Variants in CLEC4E observed in about 807,000 individuals in gnomAD.
CLEC4E encodes the protein C-type lectin domain family 4 member E.
Under a neutral mutation model 24.7 loss-of-function variants are expected in CLEC4E, and 21 were observed. The observed-to-expected ratio is 0.85, with a 90% CI of 0.60 to 1.22. The LOEUF is 1.22. CLEC4E is among the 50% of genes most tolerant of loss of function. The probability of loss-of-function intolerance (pLI) is 0.00; values close to 1 mark genes in which losing one functional copy is unlikely to be tolerated. For missense variants in CLEC4E, 249 were observed against 254.1 expected, an observed-to-expected ratio of 0.98 and a Z score of 0.14; for synonymous variants, 94 against 85.7, an observed-to-expected ratio of 1.10 and a Z score of -0.54.
At position 8,539,264 on chromosome 12, in the gene CLEC4E, T is replaced by C. The variant is rs202128779; in HGVS notation, c.173A>G (p.Gln58Arg). ...GAGCTCTGTGAAATTCTCAGGTAGCTGAAACTTTTTCTCATCACAGGTTTG... is the reference window on the plus strand; with the variant it reads ...GAGCTCTGTGAAATTCTCAGGTAGCCGAAACTTTTTCTCATCACAGGTTTG... ...IFQTCDEKKF[Q>R]LPENFTELSC... The change falls in exon 3 of 6, where the codon CAG becomes CGG. Residue 58 changes from glutamine to arginine, a missense_variant. Physicochemically the swap from Gln to Arg is conservative, Grantham distance 43 (BLOSUM62 1). Transcript: ENST00000299663. The C allele has an allele frequency of 6.9e-5, 111 of 1,613,440 alleles. No individual in the cohort carries two copies. Among genetic ancestry groups the C allele is most frequent in the Admixed American group, 5.0e-5 (3 of 59,966 alleles).
chr12:8,536,257 C>T (rs1009851837), intron 4 of CLEC4E, 52 bp from the exon 5 acceptor site: 23 of 1,032,882 alleles, frequency 2.2e-5, no homozygotes, highest in East Asian at 7.5e-5. Context: ...TTTGAATAAA[C>T]GTTGCTAGTA....
chr12:8,536,057 TTCAAGAACTCC>T, intron 5 of CLEC4E, 22 bp downstream of exon 5: 1 of 1,341,894 alleles, frequency 7.5e-7, no homozygotes, highest in Non-Finnish European at 1.1e-6. Flanking sequence ...AGAAGGAGGT[TTCAAGAACTCC>T]TCTCAATAGG....
At chr12:8,538,486 C>A (rs1940646380) in intron 3 of CLEC4E, among the ~76,000 whole-genome samples, 1 of 152,230 alleles carries the variant, frequency 6.6e-6, no homozygotes, top group Non-Finnish European at 1.5e-5. Context: ...ATGACTCACA[C>A]TCTCTACCCT....
At chr12:8,540,656 T>G in intron 1 of CLEC4E, 105 bp downstream of exon 1, 1 of 1,043,342 alleles carries the variant, frequency 9.6e-7, no homozygotes, top group Non-Finnish European at 1.5e-6. Flanking sequence ...CCCACTTTTT[T>G]TTTTAACTTC....
intron 3 of CLEC4E, among the ~76,000 whole-genome samples, chr12:8,537,528 T>C (rs941639641): frequency 1.3e-5 from 2 of 152,248 alleles, no homozygotes; most frequent in African/African-American, 4.8e-5. Flanking sequence ...ATCTTAGTTA[T>C]GCTATTGATA....
At chr12:8,535,775 A>G (rs773187154) in intron 5 of CLEC4E, among the ~76,000 whole-genome samples, 4 of 152,192 alleles carry the variant, frequency 2.6e-5, no homozygotes, top group Non-Finnish European at 5.9e-5. Flanking sequence ...CTGCATAAGA[A>G]CCTGCTGTCT....
chr12:8,539,455 GT>G (rs1157132482), intron 2 of CLEC4E, 149 bp from the exon 3 acceptor site: 2 of 628,656 alleles, frequency 3.2e-6, no homozygotes, highest in Non-Finnish European at 5.6e-6. Context: ...AAATAGATAT[GT>G]TTGCACTACC....
intron 3 of CLEC4E, 52 bp downstream of exon 3, chr12:8,539,165 C>G: frequency 7.9e-7 from 1 of 1,270,180 alleles, no homozygotes; most frequent in Non-Finnish European, 1.1e-6. Flanking sequence ...AATCTAGAAG[C>G]CAGAAAATGT....
At chr12:8,537,058 A>C in intron 4 of CLEC4E, 57 bp downstream of exon 4, 1 of 1,548,518 alleles carries the variant, frequency 6.5e-7, no homozygotes, top group South Asian at 1.2e-5. Context: ...CATATGTATG[A>C]AAAGAGAGGT....
chr12:8,538,188 A>G (rs1190167836), intron 3 of CLEC4E, among the ~76,000 whole-genome samples: 1 of 152,220 alleles, frequency 6.6e-6, no homozygotes, highest in African/African-American at 2.4e-5. Flanking sequence ...GCCTGACATT[A>G]GTCAGGCTTG....
Position 8,539,908 on chromosome 12 carries a change from A to T in CLEC4E, c.77T>A (p.Val26Asp). 1 of 1,612,432 alleles carries T rather than the reference A, an allele frequency of 6.2e-7. No individual in the cohort carries two copies. Among genetic ancestry groups the T allele is most frequent in the Non-Finnish European group, 8.5e-7 (1 of 1,178,458 alleles). ...GAGAAATAGGATGGGGATCCCAGCA[A>T]CAGTCCATAAGAACATTTGGGAAGA... ...CFSSQMFLWT[V>D]AGIPILFLSA... Residue 26 changes from valine (V) to aspartate (D), a missense_variant, in exon 2 of 6, where the codon GTT (valine) becomes GAT (aspartate). Val to Asp is a radical substitution (Grantham distance 152). Transcript: ENST00000299663.
intron 5 of CLEC4E, among the ~76,000 whole-genome samples, chr12:8,535,378 T>C (rs936647353): frequency 6.6e-6 from 1 of 152,190 alleles, no homozygotes; most frequent in African/African-American, 2.4e-5. Flanking sequence ...GAAAGTGTAA[T>C]TTAGGTAAAA....
chr12:8,539,839 G>T lies in CLEC4E; in HGVS notation c.130+16C>A. 2 of 1,514,028 alleles carry T rather than the reference G, an allele frequency of 1.3e-6. No homozygotes were observed. Among genetic ancestry groups the T allele is most frequent in the South Asian group, 1.1e-5 (1 of 89,024 alleles). 93.8% of individuals were successfully genotyped at this position (1,514,028 alleles called of 1,614,324 possible). A position where few individuals can be genotyped will look rare whatever the true frequency, so the allele number is the denominator to read the frequency against. On this transcript the variant is annotated intron_variant, in intron 2 of 5. Coordinates refer to ENST00000299663, the MANE Select transcript of CLEC4E (RefSeq NM_014358.4). The stretch of plus-strand genomic sequence containing the variant: ...CACCAGGAAGAATTAAATTGAATTT[G>T]ACCTTCAGAACCCACCAACACATCT...
At chr12:8,536,539 C>G (rs983591766) in intron 4 of CLEC4E, among the ~76,000 whole-genome samples, 2 of 152,022 alleles carry the variant, frequency 1.3e-5, no homozygotes, top group African/African-American at 4.8e-5. Flanking sequence ...GCCTGGGCAA[C>G]ACAGCAAGAC....
downstream of CLEC4E, chr12:8,533,289 T>A (rs1289683186): frequency 1.3e-5 from 2 of 152,230 alleles, no homozygotes; most frequent in Non-Finnish European, 2.9e-5. Flanking sequence ...TGATGTACTC[T>A]TTAATAACGT....
At chr12:8,540,370 G>T (rs767107574) in intron 1 of CLEC4E, among the ~76,000 whole-genome samples, 10 of 146,386 alleles carry the variant, frequency 6.8e-5, no homozygotes, top group South Asian at 2.1e-4. Flanking sequence ...TGCTTTTCTT[G>T]TCCTTCTCCT....
In CLEC4E at chr12:8,534,777, G is replaced by A; in HGVS notation, c.521C>T (p.Ala174Val). 2 of 1,613,918 alleles carry A rather than the reference G, an allele frequency of 1.2e-6. No homozygotes were observed. Among genetic ancestry groups the A allele is most frequent in the Non-Finnish European group, 1.7e-6 (2 of 1,179,924 alleles). ...FWDVGEPNNI[A>V]TLEDCATMRD... Reference sequence around the variant, plus strand: ...CATGGTGGCACAGTCCTCCAGGGTAGCTATGTTGTTGGGCTCCCCTACATC... The same window carrying A: ...CATGGTGGCACAGTCCTCCAGGGTAACTATGTTGTTGGGCTCCCCTACATC... Residue 174 changes from alanine (A) to valine (V), a missense_variant, in exon 6 of 6, where the codon GCT (alanine) becomes GTT (valine). Coordinates refer to ENST00000299663, the MANE Select transcript of CLEC4E (RefSeq NM_014358.4).
Position 8,540,820 on chromosome 12 carries a change from T to C in CLEC4E, c.-23A>G. ...CATTTTTTCTCTCTCTTTGGTTTTT[T>C]GTTTCTCTCTCTCTCTTTTTCTCTC... On this transcript the variant is annotated 5_prime_UTR_variant, in exon 1 of 6. Transcript: ENST00000299663. The C allele has an allele frequency of 3.4e-6, 5 of 1,483,940 alleles. No homozygotes were observed. The highest frequency in any genetic ancestry group is 4.6e-6 in the Non-Finnish European group (5 of 1,078,868). The allele number at this position is 1,483,940 out of a possible 1,614,324, so 91.9% of individuals were successfully genotyped here.
chr12:8,536,961 G>A (rs921760576), intron 4 of CLEC4E, among the ~76,000 whole-genome samples, 154 bp downstream of exon 4: 1 of 152,136 alleles, frequency 6.6e-6, no homozygotes, highest in Non-Finnish European at 1.5e-5. Flanking sequence ...AATAAATTAA[G>A]GTAGGCAGTG....
Sources: allele counts gnomAD v4.1 joint callset (sites outside exome capture counted in the v4.1 genomes callset), GRCh38; gene constraint gnomAD v4.1.1; transcripts MANE v1.5; gene names NCBI Gene and HGNC (gene_info 2026-07-23, HGNC 2026-07-21).